Variants in ERBIN observed in about 807,000 individuals in gnomAD.
The protein encoded by ERBIN is erbb2 interacting protein, also known as densin-180-like protein.
ERBIN carries 60 observed loss-of-function variants against 158.4 expected under a neutral mutation model. The ratio of observed to expected loss-of-function variants is 0.38; its 90% CI spans 0.31 to 0.47. The LOEUF is 0.47. ERBIN is among the 20% of genes least tolerant of loss of function. ERBIN has a pLI of 0.99. For synonymous variants in ERBIN, 594 were observed against 557.2 expected (o/e 1.07, Z -0.93); for missense variants, 1,610 against 1,648.0 (o/e 0.98, Z 0.40).
Position 66,075,136 on chromosome 5 carries a change from T to C in ERBIN, c.3869T>C (p.Leu1290Pro), listed in dbSNP as rs912010395. The C allele has an allele frequency of 1.2e-6, 2 of 1,614,158 alleles. No homozygotes were observed. The highest frequency in any genetic ancestry group is 3.3e-5 in the Admixed American group (2 of 60,024). ...SVARHPSREQLIDYLMLKVAH... is the reference protein window; with the variant it reads ...SVARHPSREQPIDYLMLKVAH... Reference sequence around the variant, plus strand: ...GCAAGGCATCCCTCTAGAGAACAACTAATTGATTACTTGATGCTGAAAGTG... The same window carrying C: ...GCAAGGCATCCCTCTAGAGAACAACCAATTGATTACTTGATGCTGAAAGTG... The change falls in exon 23 of 26, where the codon CTA (leucine) becomes CCA (proline). Residue 1290 changes from leucine (L) to proline (P), a missense_variant. Transcript: ENST00000284037.
At chr5:65,993,916 T>G (rs1752153157) in intron 3 of ERBIN, among the ~76,000 whole-genome samples, 1 of 152,164 alleles carries the variant, frequency 6.6e-6, no homozygotes, top group African/African-American at 2.4e-5. Flanking sequence ...CCTGCAACCT[T>G]AATTATAAAA....
rs762208867 is a variant in ERBIN at position 65,994,878 on chromosome 5, T to A, written c.307+14T>A. Reference sequence around the variant, plus strand: ...TCAGCAAGAATGGTAAGGCTTTTTTTGCCCATAATTTTTTGTACTTGGGAA... The same window carrying A: ...TCAGCAAGAATGGTAAGGCTTTTTTAGCCCATAATTTTTTGTACTTGGGAA... On this transcript the variant is annotated intron_variant, in intron 4 of 25. Transcript: ENST00000284037. 8 of 1,525,486 alleles carry A rather than the reference T, an allele frequency of 5.2e-6. No homozygotes were observed. The African/African-American group carries it at 1.1e-4, about 21-fold the overall frequency. 94.5% of individuals were successfully genotyped at this position (1,525,486 alleles called of 1,614,324 possible).
At chr5:66,042,386 A>G (rs1757997294) in intron 15 of ERBIN, among the ~76,000 whole-genome samples, 1 of 152,086 alleles carries the variant, frequency 6.6e-6, no homozygotes. Flanking sequence ...CAGGTTGAGT[A>G]TCTCTTATCC....
Position 66,054,530 on chromosome 5 carries a change from G to C in ERBIN, c.3212G>C (p.Arg1071Pro). Residue 1071 changes from arginine (R) to proline (P), a missense_variant, in exon 21 of 26, where the codon CGA (arginine) becomes CCA (proline). Transcript: ENST00000284037. The stretch of plus-strand genomic sequence containing the variant: ...GACCGACTTATTCCTGCAGTAACTC[G>C]AAGTACAATCCAGCGACAAAGTAGT... The part of the protein sequence containing the change: ...PNDRLIPAVT[R>P]STIQRQSSVS... 6.2e-7 allele frequency: 1 copy of C among 1,614,140 alleles called. No individual in the cohort carries two copies. The highest frequency in any genetic ancestry group is 8.5e-7 in the Non-Finnish European group (1 of 1,180,016).
At chr5:66,070,516 G>T (rs1761430212) in intron 21 of ERBIN, among the ~76,000 whole-genome samples, 1 of 151,236 alleles carries the variant, frequency 6.6e-6, no homozygotes, top group African/African-American at 2.5e-5. Context: ...AACATTTTGT[G>T]CTTGTTTTTT....
At chr5:66,025,614 A>G (rs545781600) in intron 11 of ERBIN, 62 bp downstream of exon 11, 2 of 1,263,934 alleles carry the variant, frequency 1.6e-6, no homozygotes, top group East Asian at 2.3e-5. Flanking sequence ...CATGCCATAC[A>G]TATTTTCAGG....
chr5:65,985,606 C>T (rs571219740), intron 1 of ERBIN, among the ~76,000 whole-genome samples: 1 of 152,216 alleles, frequency 6.6e-6, no homozygotes, highest in Admixed American at 6.5e-5. Context: ...GAATGGTTGC[C>T]CAAATCCTAC....
intron 1 of ERBIN, among the ~76,000 whole-genome samples, chr5:65,974,767 G>A (rs1450412976): frequency 2.0e-5 from 3 of 152,188 alleles, no homozygotes; most frequent in African/African-American, 7.2e-5. Flanking sequence ...AAAGGTGTGA[G>A]TATATATAGA....
chr5:66,031,707 C>G (rs1261741108), intron 14 of ERBIN, among the ~76,000 whole-genome samples: 1 of 152,066 alleles, frequency 6.6e-6, no homozygotes, highest in East Asian at 1.9e-4. Context: ...TAGCACATGC[C>G]TGTAGTCCAG....
At chr5:66,035,919 TC>T (rs1308743260) in intron 14 of ERBIN, among the ~76,000 whole-genome samples, 1 of 151,944 alleles carries the variant, frequency 6.6e-6, no homozygotes, top group Non-Finnish European at 1.5e-5. Context: ...CATAACAAGA[TC>T]CCATCTCTTA....
At chr5:65,966,055 C>T (rs1748581493) in intron 1 of ERBIN, among the ~76,000 whole-genome samples, 1 of 152,176 alleles carries the variant, frequency 6.6e-6, no homozygotes, top group Non-Finnish European at 1.5e-5. Context: ...TGAACATTTT[C>T]TGTAAAATTG....
In ERBIN at chr5:66,037,845, C is replaced by T. The variant is rs997735885; in HGVS notation, c.1207-538C>T. Among the ~76,000 whole-genome samples, 7 of 152,062 alleles carry T rather than the reference C, an allele frequency of 4.6e-5. No homozygotes were observed. In the South Asian group the frequency reaches 8.4e-4, roughly 18 times the overall value. On this transcript the variant is annotated intron_variant, in intron 14 of 25. Transcript: ENST00000284037. ...CAAATTTCCTGGGGGACTCCACCAC[C>T]GAGTGACTTACTGGTGTCATTACTG...
intron 1 of ERBIN, among the ~76,000 whole-genome samples, chr5:65,961,013 C>T (rs1747845437): frequency 6.6e-6 from 1 of 152,038 alleles, no homozygotes; most frequent in African/African-American, 2.4e-5. Context: ...GTCTTAATTC[C>T]CTAAACCTCC....
intron 1 of ERBIN, among the ~76,000 whole-genome samples, chr5:65,953,934 A>G (rs1746797051): frequency 6.6e-6 from 1 of 152,126 alleles, no homozygotes; most frequent in Non-Finnish European, 1.5e-5. Context: ...CCCAAACATT[A>G]TAGACCTGGA....
intron 4 of ERBIN, among the ~76,000 whole-genome samples, chr5:66,006,157 A>G (rs1342865282): frequency 6.6e-6 from 1 of 152,228 alleles, no homozygotes; most frequent in Non-Finnish European, 1.5e-5. Context: ...ACAAGGCTAC[A>G]GTAACTAAAA....
At chr5:65,956,937 C>T (rs1454585165) in intron 1 of ERBIN, among the ~76,000 whole-genome samples, 2 of 152,102 alleles carry the variant, frequency 1.3e-5, no homozygotes, top group Non-Finnish European at 2.9e-5. Context: ...GTGTGAGCCA[C>T]CACACCTGGC....
intron 1 of ERBIN, among the ~76,000 whole-genome samples, chr5:65,955,396 G>A (rs1198920654): frequency 1.3e-5 from 2 of 152,128 alleles, no homozygotes; most frequent in Admixed American, 6.5e-5. Context: ...TTGGGAGGCC[G>A]AGGTGTGCGG....
intron 3 of ERBIN, among the ~76,000 whole-genome samples, chr5:65,994,051 G>A (rs1679439260): frequency 6.6e-6 from 1 of 152,128 alleles, no homozygotes; most frequent in African/African-American, 2.4e-5. Flanking sequence ...AGAACATTTT[G>A]AAAGCCACTG....
At position 65,957,815 on chromosome 5, in the gene ERBIN, C is replaced by G. The variant is rs544670681; in HGVS notation, c.-57-30820C>G. On this transcript the variant is annotated intron_variant, in intron 1 of 25. Transcript: ENST00000284037. ...GCAGGGCAGAGGCGCACCCCACCTC[C>G]CGGACGGGGCGGCTGCCGGGCGGAG... 4.7e-5 allele frequency among the ~76,000 whole-genome samples: 7 copies of G among 147,858 alleles called. No homozygotes were observed. The South Asian group carries it at 1.5e-3, about 32-fold the overall frequency.
Sources: allele counts gnomAD v4.1 joint callset (sites outside exome capture counted in the v4.1 genomes callset), GRCh38; gene constraint gnomAD v4.1.1; transcripts MANE v1.5; gene names NCBI Gene and HGNC (gene_info 2026-07-23, HGNC 2026-07-21).